The following PIAS4 variants were observed in gnomAD, a reference collection of about 807,000 sequenced individuals.
The protein encoded by PIAS4 is protein inhibitor of activated STAT 4.
Under a neutral mutation model 58.0 loss-of-function variants are expected in PIAS4, and 7 were observed. That is an observed-to-expected ratio of 0.12 (90% CI 0.07 to 0.23). PIAS4 has a LOEUF of 0.23. PIAS4 is among the 10% of genes least tolerant of loss of function. The pLI, the probability that PIAS4 is intolerant of heterozygous loss-of-function variation, is 1.00. For missense variants in PIAS4, 550 were observed against 709.5 expected (o/e 0.78, Z 2.55); for synonymous variants, 364 against 312.4 (o/e 1.17, Z -1.74).
intron 3 of PIAS4, 39 bp from the exon 4 acceptor site, chr19:4,028,107 C>G (rs2040185597): frequency 6.2e-7 from 1 of 1,607,982 alleles, no homozygotes; most frequent in Non-Finnish European, 8.5e-7. Flanking sequence ...CCTCACTCAG[C>G]TCTCCTTTCC....
intron 3 of PIAS4, among the ~76,000 whole-genome samples, chr19:4,026,573 C>CTCCA (rs1555688908): frequency 1.3e-5 from 2 of 151,674 alleles, no homozygotes; most frequent in African/African-American, 4.9e-5. Flanking sequence ...TCATGTCCAT[C>CTCCA]CCCAGCAGCT....
rs989509235 is a variant in PIAS4, at chr19:4,038,445, G to C, written c.*570G>C. The C allele has an allele frequency of 6.6e-6, 1 of 151,594 alleles. No homozygotes were observed. The highest frequency in any genetic ancestry group is 1.5e-5 in the Non-Finnish European group (1 of 67,864). The allele number at this position is 151,594 out of a possible 1,614,324, so 9.4% of individuals were successfully genotyped here. A position where few individuals can be genotyped will look rare whatever the true frequency, so the allele number is the denominator to read the frequency against. ...CATGGAGTGGGTTGGGGCGGGGAGG[G>C]GCAGTAGGGTGGGGGGATGGGTGGG... On this transcript the variant is annotated 3_prime_UTR_variant, in exon 11 of 11. Transcript: ENST00000262971. This position sits in a 1 kb window ranked among gnomAD's most constrained non-coding sequence, Gnocchi z 4.1.
chr19:4,035,070 C>T (rs1051539292), intron 9 of PIAS4, among the ~76,000 whole-genome samples: 1 of 152,044 alleles, frequency 6.6e-6, no homozygotes, highest in East Asian at 1.9e-4. Context: ...AGCAGTTTTG[C>T]AAGCAGGGAA....
At chr19:4,030,959 C>G (rs7255222) in intron 7 of PIAS4, among the ~76,000 whole-genome samples, 138,588 of 152,222 alleles carry the variant, frequency 0.91, 63,191 homozygotes, top group East Asian at 0.96. Flanking sequence ...GCCAGGCTGA[C>G]GAGAGGGCGG....
chr19:4,023,214 C>CA (rs1485853164), intron 2 of PIAS4, among the ~76,000 whole-genome samples: 3 of 149,750 alleles, frequency 2.0e-5, no homozygotes, highest in African/African-American at 7.4e-5. Context: ...CACAGTGGCT[C>CA]ACGCCTGTAA....
chr19:4,018,004 G>T (rs1018154808), intron 2 of PIAS4, among the ~76,000 whole-genome samples: 1 of 152,124 alleles, frequency 6.6e-6, no homozygotes, highest in African/African-American at 2.4e-5. Context: ...TGGAGACGGG[G>T]TTTCGTCATG....
chr19:4,030,308 A>T (rs1347015314), intron 7 of PIAS4, among the ~76,000 whole-genome samples: 134 of 151,452 alleles, frequency 8.8e-4, no homozygotes, highest in Middle Eastern at 3.4e-3. Flanking sequence ...TTTAAGTGAC[A>T]CGCAGAGCAA....
rs1191805965 is a variant in PIAS4, at chr19:4,013,803, C to T, written c.454+454C>T. On this transcript the variant is annotated intron_variant, in intron 2 of 10. Coordinates refer to ENST00000262971, the MANE Select transcript of PIAS4 (RefSeq NM_015897.4). This position sits in a 1 kb window ranked among gnomAD's most constrained non-coding sequence, Gnocchi z 5.1. ...CGGACTCCTGCACGGATTGCCTGGGCGTCCTCAGCCTGGTGGCTCCCTCAC... is the reference window on the plus strand; with the variant it reads ...CGGACTCCTGCACGGATTGCCTGGGTGTCCTCAGCCTGGTGGCTCCCTCAC... Among the ~76,000 whole-genome samples, 3 of 152,152 alleles carry T rather than the reference C, an allele frequency of 2.0e-5. No homozygotes were observed. The highest frequency in any genetic ancestry group is 2.9e-5 in the Non-Finnish European group (2 of 68,014).
In PIAS4 at chr19:4,028,752, G is replaced by T. The variant is rs761178452; in HGVS notation, c.705G>T (p.Glu235Asp). The T allele has an allele frequency of 6.2e-7, 1 of 1,612,822 alleles. No homozygotes were observed. Among genetic ancestry groups the T allele is most frequent in the Non-Finnish European group, 8.5e-7 (1 of 1,179,726 alleles). The stretch of plus-strand genomic sequence containing the variant: ...ACCCCTCCAATAAGCCCGGGGTGGA[G>T]CCCAAGAGGCCGTGCCGCCCCATCA... ...GYYPSNKPGVEPKRPCRPINL... is the reference protein window; with the variant it reads ...GYYPSNKPGVDPKRPCRPINL... The change falls in exon 6 of 11, where the codon GAG becomes GAT. Residue 235 changes from glutamate to aspartate, a missense_variant. By Grantham distance (45) the Glu-to-Asp change is conservative. This residue lies in a region of PIAS4 where 225 missense variants were observed against 345.8 expected (regional missense o/e 0.65). Coordinates refer to ENST00000262971, the MANE Select transcript of PIAS4 (RefSeq NM_015897.4).
intron 7 of PIAS4, among the ~76,000 whole-genome samples, chr19:4,030,354 T>C (rs1568219163): frequency 1.4e-5 from 2 of 142,884 alleles, no homozygotes; most frequent in African/African-American, 4.9e-5. Flanking sequence ...GCGCAGTGGC[T>C]CACACCTGTA....
chr19:4,036,049 C>T (rs2040277745), intron 9 of PIAS4, among the ~76,000 whole-genome samples: 1 of 147,244 alleles, frequency 6.8e-6, no homozygotes, highest in Non-Finnish European at 1.5e-5. Context: ...CATACACACA[C>T]ACATCTATAC....
chr19:4,013,570 G>T lies in PIAS4; in HGVS notation c.454+221G>T, dbSNP rs1230787285. 2.0e-5 allele frequency among the ~76,000 whole-genome samples: 3 copies of T among 152,210 alleles called. No individual in the cohort carries two copies. The highest frequency in any genetic ancestry group is 4.4e-5 in the Non-Finnish European group (3 of 68,024). ...CAAGTTACCCCGAAATGGAGCCACTGGAAGCAGGGGGCGTCTGTTAGCTCT... is the reference window on the plus strand; with the variant it reads ...CAAGTTACCCCGAAATGGAGCCACTTGAAGCAGGGGGCGTCTGTTAGCTCT... On this transcript the variant is annotated intron_variant, in intron 2 of 10. Coordinates refer to ENST00000262971, the MANE Select transcript of PIAS4 (RefSeq NM_015897.4). This position sits in a 1 kb window ranked among gnomAD's most constrained non-coding sequence, Gnocchi z 5.1.
At chr19:4,019,924 T>G (rs2040092097) in intron 2 of PIAS4, among the ~76,000 whole-genome samples, 1 of 132,888 alleles carries the variant, frequency 7.5e-6, no homozygotes, top group East Asian at 2.0e-4. Flanking sequence ...GCTTTTTTCT[T>G]TTTTTTTTTT....
intron 2 of PIAS4, among the ~76,000 whole-genome samples, chr19:4,015,358 C>T (rs966282931): frequency 3.3e-5 from 5 of 152,136 alleles, no homozygotes; most frequent in African/African-American, 1.2e-4. Flanking sequence ...CATCGCTGTG[C>T]CCTGAGCCAC....
At position 4,027,205 on chromosome 19, in the gene PIAS4, C is replaced by G. The variant is rs142295540; in HGVS notation, c.540-941C>G. Among the ~76,000 whole-genome samples, 1,308 of 152,224 alleles carry G rather than the reference C, an allele frequency of 8.6e-3. 11 individuals carry two copies. The highest frequency in any genetic ancestry group is 0.015 in the Non-Finnish European group (1,025 of 68,006). On this transcript the variant is annotated intron_variant, in intron 3 of 10. Transcript: ENST00000262971. Reference sequence around the variant, plus strand: ...GTTTCACCATATTGCCCAGGCTTGTCTCGAACTCCTGACCTCAAGTGACCC... The same window carrying G: ...GTTTCACCATATTGCCCAGGCTTGTGTCGAACTCCTGACCTCAAGTGACCC...
chr19:4,024,631 T>G (rs1186788535), intron 3 of PIAS4, among the ~76,000 whole-genome samples: 3 of 152,092 alleles, frequency 2.0e-5, no homozygotes, highest in Admixed American at 2.0e-4. Flanking sequence ...TACATTGAAA[T>G]CCACACCCTG....
In PIAS4 at chr19:4,033,139, C is replaced by T; in HGVS notation, c.947C>T (p.Ala316Val). 1 of 1,611,362 alleles carries T rather than the reference C, an allele frequency of 6.2e-7. No individual in the cohort carries two copies. ...KLRLDPDSEI[A>V]TTGVRVSLIC... is the part of the protein sequence containing the mutation. The stretch of plus-strand genomic sequence containing the variant: ...CGCCTTGATCCTGACAGCGAGATCG[C>T]CACCACCGGTGTGCGGGTGTCCCTC... The change falls in exon 8 of 11, where the codon GCC (alanine) becomes GTC (valine). Residue 316 changes from alanine (A) to valine (V), a missense_variant. Physicochemically the swap from Ala to Val is moderately conservative, Grantham distance 64 (BLOSUM62 0). This residue lies in a region of PIAS4 where 225 missense variants were observed against 345.8 expected (regional missense o/e 0.65). Transcript: ENST00000262971.
intron 3 of PIAS4, among the ~76,000 whole-genome samples, chr19:4,025,660 A>C (rs1460102675): frequency 3.9e-5 from 2 of 51,818 alleles, no homozygotes; most frequent in Non-Finnish European, 9.9e-5. Flanking sequence ...TGGGTGACCC[A>C]AGGTGGCGAC....
Position 4,028,157 on chromosome 19 carries a change from C to T in PIAS4, c.551C>T (p.Pro184Leu). 6.2e-7 allele frequency: 1 copy of T among 1,613,476 alleles called. No individual in the cohort carries two copies. The highest frequency in any genetic ancestry group is 8.5e-7 in the Non-Finnish European group (1 of 1,179,958). The stretch of plus-strand genomic sequence containing the variant: ...CTCCACACCCACAGGGAACTGCAGC[C>T]CGGAGTTAAAGCCGTGCAGGTCGTC... Reference protein sequence around the residue: ...ELIRNSRELQPGVKAVQVVLR... With the variant: ...ELIRNSRELQLGVKAVQVVLR... Residue 184 changes from proline to leucine, a missense_variant, in exon 4 of 11, where the codon CCC becomes CTC. By Grantham distance (98) the Pro-to-Leu change is moderately conservative. Transcript: ENST00000262971.
Sources: allele counts gnomAD v4.1 joint callset (sites outside exome capture counted in the v4.1 genomes callset), GRCh38; gene constraint gnomAD v4.1.1; regional missense constraint gnomAD v4.1.1; non-coding constraint Gnocchi (gnomAD v3.1); transcripts MANE v1.5; gene names NCBI Gene and HGNC (gene_info 2026-07-23, HGNC 2026-07-21).